ATRNL1: variants seen among roughly 807,000 people sequenced by gnomAD.
ATRNL1 encodes attractin like 1.
A neutral mutation model predicts 182.7 loss-of-function variants in ATRNL1; 95 were observed. That is an observed-to-expected ratio of 0.52 (90% CI 0.44 to 0.62). The LOEUF (loss-of-function observed/expected upper bound fraction) is 0.62. Among genes scored for constraint, ATRNL1 ranks in the 20% least tolerant of loss-of-function variants. ATRNL1 has a pLI of 0.00. For synonymous variants in ATRNL1, 576 were observed against 568.3 expected (o/e 1.01, Z -0.19); for missense variants, 1,471 against 1,679.5 (o/e 0.88, Z 2.17).
intron 21 of ATRNL1, among the ~76,000 whole-genome samples, chr10:115,455,893 A>G (rs1237884216): frequency 2.0e-5 from 3 of 152,226 alleles, no homozygotes; most frequent in African/African-American, 7.2e-5. Context: ...AAAGCTCATC[A>G]TCACTGGTGA....
chr10:115,389,225 G>T lies in ATRNL1; in HGVS notation c.3176-5434G>T, dbSNP rs149151951. On this transcript the variant is annotated intron_variant, in intron 19 of 28. Coordinates refer to ENST00000355044, the MANE Select transcript of ATRNL1 (RefSeq NM_207303.4). ...TTCATCTTGTCTTTTTAAAAGCTGAGGCCGGGTGCGGTGGCTCACACCTAT... is the reference window on the plus strand; with the variant it reads ...TTCATCTTGTCTTTTTAAAAGCTGATGCCGGGTGCGGTGGCTCACACCTAT... 6.6e-4 allele frequency among the ~76,000 whole-genome samples: 100 copies of T among 152,008 alleles called. No homozygotes were observed. In the East Asian group the frequency reaches 0.019, roughly 29 times the overall value.
chr10:115,153,660 C>A (rs1846357123), intron 5 of ATRNL1, among the ~76,000 whole-genome samples: 1 of 151,940 alleles, frequency 6.6e-6, no homozygotes, highest in Non-Finnish European at 1.5e-5. Context: ...TTCAAAAATC[C>A]AGCTCCTGCT....
At chr10:115,230,227 T>G (rs1849867163) in intron 9 of ATRNL1, among the ~76,000 whole-genome samples, 2 of 152,166 alleles carry the variant, frequency 1.3e-5, no homozygotes, top group Non-Finnish European at 2.9e-5. Flanking sequence ...TGGAAATAAG[T>G]AAAATGTATT....
intron 8 of ATRNL1, among the ~76,000 whole-genome samples, chr10:115,209,027 A>G (rs1355493289): frequency 6.6e-6 from 1 of 151,878 alleles, no homozygotes; most frequent in Non-Finnish European, 1.5e-5. Flanking sequence ...AAAAACTACT[A>G]TAAAAGTAAA....
intron 27 of ATRNL1, among the ~76,000 whole-genome samples, chr10:115,751,369 G>T (rs10885802): frequency 0.19 from 28,253 of 151,982 alleles, 3,016 homozygotes; most frequent in South Asian, 0.29. Context: ...TAAGAAATTT[G>T]TGTTTTTAAT....
At chr10:115,537,006 A>G (rs1351318094) in intron 25 of ATRNL1, among the ~76,000 whole-genome samples, 2 of 152,208 alleles carry the variant, frequency 1.3e-5, no homozygotes, top group Non-Finnish European at 2.9e-5. Flanking sequence ...GGATATGGTA[A>G]TGGAAATGAC....
intron 19 of ATRNL1, among the ~76,000 whole-genome samples, chr10:115,371,315 G>T (rs1554947990): frequency 6.7e-6 from 1 of 149,948 alleles, no homozygotes. Context: ...CCAGACCCCA[G>T]AATGGTAGAT....
intron 19 of ATRNL1, among the ~76,000 whole-genome samples, chr10:115,362,190 T>C (rs1554944421): frequency 9.2e-5 from 14 of 152,030 alleles, no homozygotes; most frequent in Non-Finnish European, 1.5e-5. Context: ...AGTGAAGATA[T>C]TGATATCAGC....
intron 27 of ATRNL1, among the ~76,000 whole-genome samples, chr10:115,765,157 A>C (rs1555074724): frequency 6.6e-6 from 1 of 152,170 alleles, no homozygotes; most frequent in African/African-American, 2.4e-5. Flanking sequence ...TTTTGTATGG[A>C]TATAAGTTTT....
chr10:115,428,835 T>G (rs1846022193), intron 21 of ATRNL1, among the ~76,000 whole-genome samples: 1 of 152,096 alleles, frequency 6.6e-6, no homozygotes, highest in Non-Finnish European at 1.5e-5. Flanking sequence ...TGAACATATG[T>G]TTTTATTTTC....
chr10:115,114,860 C>G (rs191814985), intron 1 of ATRNL1, among the ~76,000 whole-genome samples: 14 of 151,990 alleles, frequency 9.2e-5, no homozygotes, highest in Admixed American at 3.9e-4. Flanking sequence ...ATAGAATCAC[C>G]ATATGATCCA....
At chr10:115,769,084 G>A (rs1361423210) in intron 27 of ATRNL1, among the ~76,000 whole-genome samples, 1 of 152,092 alleles carries the variant, frequency 6.6e-6, no homozygotes, top group Non-Finnish European at 1.5e-5. Flanking sequence ...GTGGCACATT[G>A]CCAATCATAA....
At chr10:115,101,871 A>G (rs1843784888) in intron 1 of ATRNL1, among the ~76,000 whole-genome samples, 1 of 152,198 alleles carries the variant, frequency 6.6e-6, no homozygotes, top group Non-Finnish European at 1.5e-5. Flanking sequence ...CATTCAACTT[A>G]TTTAATATAC....
intron 5 of ATRNL1, among the ~76,000 whole-genome samples, chr10:115,132,999 C>T (rs1024323256): frequency 6.6e-6 from 1 of 152,160 alleles, no homozygotes; most frequent in Non-Finnish European, 1.5e-5. Context: ...GACATGAAGT[C>T]CTTGCCCATG....
intron 27 of ATRNL1, among the ~76,000 whole-genome samples, chr10:115,844,936 T>C (rs893208435): frequency 3.3e-5 from 5 of 152,066 alleles, no homozygotes; most frequent in Admixed American, 6.6e-5. Context: ...AACCCCAGGG[T>C]ATCAGAAACA....
intron 19 of ATRNL1, among the ~76,000 whole-genome samples, chr10:115,384,630 T>C (rs1232046319): frequency 6.6e-6 from 1 of 151,992 alleles, no homozygotes; most frequent in Non-Finnish European, 1.5e-5. Context: ...TTTCATGTTA[T>C]GCATTTTTTC....
chr10:115,415,600 T>A lies in ATRNL1; in HGVS notation c.3270-10650T>A, dbSNP rs191096429. Among the ~76,000 whole-genome samples, 23 of 152,096 alleles carry A rather than the reference T, an allele frequency of 1.5e-4. No individual in the cohort carries two copies. In the East Asian group the frequency reaches 4.2e-3, roughly 28 times the overall value. Reference sequence around the variant, plus strand: ...TTTTATTCATGGTTAGGAAGCCTTTTATTTTGTAATTAATTATGTAATTAA... The same window carrying A: ...TTTTATTCATGGTTAGGAAGCCTTTAATTTTGTAATTAATTATGTAATTAA... On this transcript the variant is annotated intron_variant, in intron 20 of 28. Transcript: ENST00000355044.
At chr10:115,911,367 G>A (rs1233200343) in intron 28 of ATRNL1, among the ~76,000 whole-genome samples, 1 of 151,956 alleles carries the variant, frequency 6.6e-6, no homozygotes, top group African/African-American at 2.4e-5. Context: ...GCCCAGGCTG[G>A]AGGGCAATGG....
At chr10:115,166,371 G>A (rs912324168) in intron 7 of ATRNL1, among the ~76,000 whole-genome samples, 3 of 151,736 alleles carry the variant, frequency 2.0e-5, no homozygotes, top group African/African-American at 7.3e-5. Flanking sequence ...GAACATGTGT[G>A]TACAACTATC....
Sources: allele counts gnomAD v4.1 joint callset (sites outside exome capture counted in the v4.1 genomes callset), GRCh38; gene constraint gnomAD v4.1.1; transcripts MANE v1.5; gene names NCBI Gene and HGNC (gene_info 2026-07-23, HGNC 2026-07-21).